ARHGAP42: variants seen among roughly 807,000 people sequenced by gnomAD.
ARHGAP42 encodes rho GTPase-activating protein 42.
In ARHGAP42, 63 loss-of-function variants were observed where a neutral mutation model predicts 125.0. That is an observed-to-expected ratio of 0.50 (90% confidence interval 0.41 to 0.62). The LOEUF is 0.62. Among genes scored for constraint, ARHGAP42 ranks in the 20% least tolerant of loss-of-function variants. The pLI is 0.00. For synonymous variants in ARHGAP42, 339 were observed against 351.0 expected (o/e 0.97, Z 0.38); for missense variants, 766 against 1,024.2 (o/e 0.75, Z 3.44).
chr11:100,862,721 G>A (rs1381218890), intron 4 of ARHGAP42, among the ~76,000 whole-genome samples: 1 of 152,106 alleles, frequency 6.6e-6, no homozygotes, highest in African/African-American at 2.4e-5. Flanking sequence ...TTAGTAAAGT[G>A]AATAGTGAAT....
At chr11:100,933,118 C>G in intron 6 of ARHGAP42, 38 bp from the exon 7 acceptor site, 1 of 1,363,012 alleles carries the variant, frequency 7.3e-7, no homozygotes, top group Non-Finnish European at 1.0e-6. Context: ...ATCATTAAAA[C>G]ACATTTTCAT....
At chr11:100,958,601 A>G (rs1857870518) in intron 12 of ARHGAP42, among the ~76,000 whole-genome samples, 1 of 152,064 alleles carries the variant, frequency 6.6e-6, no homozygotes, top group South Asian at 2.1e-4. Flanking sequence ...AGTGAATTAA[A>G]AATGACAATT....
At chr11:100,969,570 TTG>T (rs1329198153) in intron 17 of ARHGAP42, among the ~76,000 whole-genome samples, 1 of 152,174 alleles carries the variant, frequency 6.6e-6, no homozygotes, top group Non-Finnish European at 1.5e-5. Flanking sequence ...ATTCCTCAGA[TTG>T]CATAGTCTCT....
In ARHGAP42 at chr11:100,689,456, G is replaced by C. The variant is rs11605212; in HGVS notation, c.154+1624G>C. The stretch of plus-strand genomic sequence containing the variant: ...CCCGCTCTGCTTGAGATAAACTTTA[G>C]TGTTTCAGAAGGTCAAAATACTTAC... On this transcript the variant is annotated intron_variant, in intron 1 of 23. Coordinates refer to ENST00000298815, the MANE Select transcript of ARHGAP42 (RefSeq NM_152432.4). Among the ~76,000 whole-genome samples, 80 of 152,290 alleles carry C rather than the reference G, an allele frequency of 5.3e-4. 1 individual carries two copies. The East Asian group carries it at 0.013, about 25-fold the overall frequency.
At chr11:100,827,753 G>A (rs1864558778) in intron 3 of ARHGAP42, among the ~76,000 whole-genome samples, 1 of 152,218 alleles carries the variant, frequency 6.6e-6, no homozygotes. Context: ...TCACAAGAGA[G>A]AGCTGGCTCT....
chr11:100,818,631 T>C (rs1325925518), intron 3 of ARHGAP42, among the ~76,000 whole-genome samples: 1 of 151,880 alleles, frequency 6.6e-6, no homozygotes, highest in African/African-American at 2.4e-5. Context: ...TTGGAGAATA[T>C]ATTTATCCAA....
chr11:100,832,098 C>A (rs1864676074), intron 3 of ARHGAP42, among the ~76,000 whole-genome samples: 4 of 152,218 alleles, frequency 2.6e-5, no homozygotes, highest in Admixed American at 2.0e-4. Context: ...GATAATCTGG[C>A]CTCTCTTGCC....
At chr11:100,981,611 C>A (rs190195814) in intron 22 of ARHGAP42, among the ~76,000 whole-genome samples, 1 of 152,300 alleles carries the variant, frequency 6.6e-6, no homozygotes, top group East Asian at 1.9e-4. Context: ...GCAGGCACTG[C>A]AGGTCATTGA....
chr11:100,889,261 T>C (rs1866163695), intron 4 of ARHGAP42, among the ~76,000 whole-genome samples: 6 of 152,168 alleles, frequency 3.9e-5, no homozygotes, highest in Admixed American at 3.9e-4. Context: ...TCCAATGCAG[T>C]AATGTTGACA....
chr11:100,912,689 T>G (rs1201166087), intron 4 of ARHGAP42, among the ~76,000 whole-genome samples: 1 of 152,182 alleles, frequency 6.6e-6, no homozygotes, highest in African/African-American at 2.4e-5. Context: ...TTCATTCCAT[T>G]TGCATTTCTA....
chr11:100,779,552 A>ATACGTATATATATACG, intron 2 of ARHGAP42, among the ~76,000 whole-genome samples: 1 of 87,342 alleles, frequency 1.1e-5, no homozygotes, highest in African/African-American at 4.1e-5. Context: ...ATATATATAC[A>ATACGTATATATATACG]TATACATACG....
intron 3 of ARHGAP42, among the ~76,000 whole-genome samples, chr11:100,824,515 G>A (rs1010320601): frequency 9.2e-5 from 14 of 152,082 alleles, no homozygotes; most frequent in Admixed American, 6.5e-4. Flanking sequence ...CTGGAGTCCC[G>A]AATACGGATC....
chr11:100,747,409 C>A (rs1862329483), intron 1 of ARHGAP42, among the ~76,000 whole-genome samples: 1 of 152,164 alleles, frequency 6.6e-6, no homozygotes, highest in Non-Finnish European at 1.5e-5. Context: ...ACATATTTAT[C>A]CAATTTTTAA....
At chr11:100,899,722 G>GTTTT (rs767815247) in intron 4 of ARHGAP42, among the ~76,000 whole-genome samples, 2 of 67,190 alleles carry the variant, frequency 3.0e-5, no homozygotes, top group Non-Finnish European at 5.7e-5. Context: ...TTTGTGTTTT[G>GTTTT]TTTTTTTTTT....
intron 1 of ARHGAP42, among the ~76,000 whole-genome samples, chr11:100,710,393 A>AT (rs757284837): frequency 0.097 from 13,386 of 138,266 alleles, 765 homozygotes; most frequent in African/African-American, 0.16. Context: ...TGCCTGGCTA[A>AT]TTTTTTTTTT....
chr11:100,948,435 GA>G, intron 10 of ARHGAP42, 21 bp from the exon 11 acceptor site: 1 of 1,481,574 alleles, frequency 6.7e-7, no homozygotes, highest in South Asian at 1.3e-5. Flanking sequence ...TGTAAATATA[GA>G]AAATATTTGT....
chr11:100,888,550 G>T (rs537601852), intron 4 of ARHGAP42, among the ~76,000 whole-genome samples: 51 of 152,222 alleles, frequency 3.4e-4, no homozygotes, highest in African/African-American at 1.0e-3. Flanking sequence ...AAAGTAAATT[G>T]CCATTCATTT....
chr11:100,771,595 C>T (rs1448398803), intron 2 of ARHGAP42, among the ~76,000 whole-genome samples: 3 of 151,842 alleles, frequency 2.0e-5, no homozygotes, highest in Non-Finnish European at 4.4e-5. Context: ...CTGTAGGAAA[C>T]ATCTGGAATT....
At position 100,935,737 on chromosome 11, in the gene ARHGAP42, C is replaced by T. The variant is rs552584098; in HGVS notation, c.703-466C>T. Among the ~76,000 whole-genome samples the T allele has an allele frequency of 4.0e-4, 60 of 151,860 alleles. 1 individual carries two copies. The South Asian group carries it at 0.012, about 30-fold the overall frequency. On this transcript the variant is annotated intron_variant, in intron 7 of 23. Transcript: ENST00000298815. Reference sequence around the variant, plus strand: ...GCAGAAGGTCATTCAGACAAGTTTTCACTAAATCAGTTCAACTCAGACCTT... The same window carrying T: ...GCAGAAGGTCATTCAGACAAGTTTTTACTAAATCAGTTCAACTCAGACCTT...
Sources: gnomAD v4.1 joint callset for allele counts (sites outside exome capture counted in the v4.1 genomes callset) on GRCh38, gnomAD v4.1.1 for gene constraint, MANE v1.5 for transcripts, NCBI Gene and HGNC (gene_info 2026-07-23, HGNC 2026-07-21) for gene names.